Variants in STAU2 observed in about 807,000 individuals in gnomAD.
STAU2 encodes staufen double-stranded RNA binding protein 2, also known as double-stranded RNA-binding protein Staufen homolog 2.
Under a neutral mutation model 65.9 loss-of-function variants are expected in STAU2, and 20 were observed. The observed-to-expected ratio is 0.30, with a 90% confidence interval of 0.21 to 0.44. STAU2 has a LOEUF of 0.44. Among genes scored for constraint, STAU2 ranks in the 20% least tolerant of loss-of-function variants. The probability of loss-of-function intolerance (pLI) is 1.00; values close to 1 mark genes in which losing one functional copy is unlikely to be tolerated. For missense variants in STAU2, 558 were observed against 683.9 expected, an observed-to-expected ratio of 0.82 and a Z score of 2.05; for synonymous variants, 232 against 233.9, an observed-to-expected ratio of 0.99 and a Z score of 0.07.
rs1276371689 is a variant in STAU2, at chr8:73,582,696, C to T, written c.1222+74G>A. On this transcript the variant is annotated intron_variant, in intron 12 of 14. Transcript: ENST00000524300. The stretch of plus-strand genomic sequence containing the variant: ...GCCTCTCAGACCCAGACAGACCCAA[C>T]CAATCCCAGTGACAGCTAGTCACTG... 4.2e-6 allele frequency: 6 copies of T among 1,443,014 alleles called. No individual in the cohort carries two copies. The Admixed American group carries it at 8.5e-5, about 20-fold the overall frequency. The allele number at this position is 1,443,014 out of a possible 1,614,324, so 89.4% of individuals were successfully genotyped here. A position where few individuals can be genotyped will look rare whatever the true frequency, so the allele number is the denominator to read the frequency against.
At chr8:73,545,849 G>A (rs1350827770) in intron 13 of STAU2, among the ~76,000 whole-genome samples, 7 of 149,680 alleles carry the variant, frequency 4.7e-5, no homozygotes, top group African/African-American at 4.9e-5. Context: ...GGGTTTCACC[G>A]TGTTAGCCAG....
chr8:73,550,200 T>C, intron 13 of STAU2: 1 of 985,234 alleles, frequency 1.0e-6, no homozygotes, highest in Non-Finnish European at 1.2e-6. Context: ...AAAATCACAA[T>C]ACACAGATTT....
chr8:73,706,263 C>G (rs1032194331), intron 4 of STAU2, among the ~76,000 whole-genome samples: 1 of 151,926 alleles, frequency 6.6e-6, no homozygotes, highest in Non-Finnish European at 1.5e-5. Context: ...ATTATAGTCA[C>G]GCACCACCAC....
intron 12 of STAU2, among the ~76,000 whole-genome samples, chr8:73,558,713 T>A (rs1470683388): frequency 6.6e-6 from 1 of 152,200 alleles, no homozygotes; most frequent in East Asian, 1.9e-4. Flanking sequence ...AAATGGTTAC[T>A]GCCACTCCAC....
chr8:73,669,950 T>C (rs1333006375), intron 6 of STAU2, among the ~76,000 whole-genome samples: 1 of 152,056 alleles, frequency 6.6e-6, no homozygotes, highest in Non-Finnish European at 1.5e-5. Flanking sequence ...GATACCAAAA[T>C]AAAACAAATA....
intron 13 of STAU2, among the ~76,000 whole-genome samples, chr8:73,467,792 A>G (rs1441956436): frequency 6.6e-6 from 1 of 152,216 alleles, no homozygotes; most frequent in East Asian, 1.9e-4. Context: ...CCACTGCTCA[A>G]TGAAATAAAA....
At chr8:73,428,881 G>A (rs1216980998) in intron 13 of STAU2, among the ~76,000 whole-genome samples, 2 of 152,140 alleles carry the variant, frequency 1.3e-5, no homozygotes, top group Non-Finnish European at 2.9e-5. Context: ...AAATCTCCTG[G>A]ACGATTTTAT....
intron 9 of STAU2, among the ~76,000 whole-genome samples, chr8:73,612,417 AC>A (rs1424793886): frequency 6.6e-6 from 1 of 152,154 alleles, no homozygotes; most frequent in African/African-American, 2.4e-5. Flanking sequence ...CATACTCAGA[AC>A]TGACTCCAAA....
intron 12 of STAU2, among the ~76,000 whole-genome samples, chr8:73,570,522 C>T (rs1808986388): frequency 6.6e-6 from 1 of 152,242 alleles, no homozygotes; most frequent in African/African-American, 2.4e-5. Flanking sequence ...TTGGAAAACA[C>T]TCTGCAGTAT....
chr8:73,694,991 G>A (rs1819605708), intron 4 of STAU2, among the ~76,000 whole-genome samples: 2 of 152,200 alleles, frequency 1.3e-5, no homozygotes, highest in South Asian at 4.1e-4. Flanking sequence ...ACCACAGGCT[G>A]AAGTGCTCCG....
chr8:73,694,831 A>G (rs972555013), intron 4 of STAU2, among the ~76,000 whole-genome samples: 1 of 152,218 alleles, frequency 6.6e-6, no homozygotes, highest in African/African-American at 2.4e-5. Context: ...ACAGTACATT[A>G]AACTCAGTGC....
chr8:73,625,744 G>A (rs929213396), intron 6 of STAU2, among the ~76,000 whole-genome samples: 1 of 152,034 alleles, frequency 6.6e-6, no homozygotes, highest in Non-Finnish European at 1.5e-5. Flanking sequence ...TTTAAAAAAT[G>A]TTGATACTCC....
intron 12 of STAU2, among the ~76,000 whole-genome samples, chr8:73,553,289 C>G (rs1476874415): frequency 6.6e-6 from 1 of 152,188 alleles, no homozygotes; most frequent in South Asian, 2.1e-4. Flanking sequence ...AGAGACACAA[C>G]TTAATTTCCT....
chr8:73,506,285 C>T (rs551651786), intron 13 of STAU2, among the ~76,000 whole-genome samples: 4 of 152,222 alleles, frequency 2.6e-5, no homozygotes, highest in African/African-American at 9.6e-5. Context: ...TGAGCCGTTG[C>T]TCCTAATTCC....
rs537664156 is a variant in STAU2 at position 73,459,768 on chromosome 8, T to C, written c.1531-37066A>G. Among the ~76,000 whole-genome samples, 140 of 152,340 alleles carry C rather than the reference T, an allele frequency of 9.2e-4. 1 individual carries two copies. The highest frequency in any genetic ancestry group is 1.5e-3 in the Non-Finnish European group (103 of 68,032). On this transcript the variant is annotated intron_variant, in intron 13 of 14. Coordinates refer to ENST00000524300, the MANE Select transcript of STAU2 (RefSeq NM_001164380.2). ...CCCAACGGGCTGTTACTAAGGGCCC[T>C]GGTATGCTGCTGAATATATGCATTC...
Position 73,560,301 on chromosome 8 carries a change from C to T in STAU2, c.1223-7982G>A, listed in dbSNP as rs189215307. On this transcript the variant is annotated intron_variant, in intron 12 of 14. Coordinates refer to ENST00000524300, the MANE Select transcript of STAU2 (RefSeq NM_001164380.2). ...TTCACCGTGTCAGCCAGGATGTTCT[C>T]GATCTCCTGACCTCGTGATCCGCCC... 4.0e-3 allele frequency among the ~76,000 whole-genome samples: 609 copies of T among 152,010 alleles called. 5 individuals are homozygous for T. Among genetic ancestry groups the T allele is most frequent in the African/African-American group, 0.014 (574 of 41,484 alleles).
intron 1 of STAU2, among the ~76,000 whole-genome samples, chr8:73,741,893 A>G (rs1367854885): frequency 1.3e-5 from 2 of 152,260 alleles, no homozygotes; most frequent in Admixed American, 1.3e-4. Flanking sequence ...AAAATTAACC[A>G]TACGATTTAA....
At chr8:73,674,590 T>C (rs994857857) in intron 5 of STAU2, among the ~76,000 whole-genome samples, 1 of 151,684 alleles carries the variant, frequency 6.6e-6, no homozygotes, top group South Asian at 2.1e-4. Context: ...AATAACCACA[T>C]ATTCTAAAGA....
At chr8:73,689,199 A>C (rs945582413) in intron 4 of STAU2, among the ~76,000 whole-genome samples, 1 of 152,222 alleles carries the variant, frequency 6.6e-6, no homozygotes, top group African/African-American at 2.4e-5. Flanking sequence ...CTTTCATAAA[A>C]TCTAATTCCT....
Sources: allele counts gnomAD v4.1 joint callset (sites outside exome capture counted in the v4.1 genomes callset), GRCh38; gene constraint gnomAD v4.1.1; transcripts MANE v1.5; gene names NCBI Gene and HGNC (gene_info 2026-07-23, HGNC 2026-07-21).